MACF1: variants seen among roughly 807,000 people sequenced by gnomAD.
MACF1 encodes microtubule-actin cross-linking factor 1.
Under a neutral mutation model 854.8 loss-of-function variants are expected in MACF1, and 193 were observed. The ratio of observed to expected loss-of-function variants is 0.23; its 90% CI spans 0.20 to 0.25. MACF1 has a LOEUF of 0.25. Ranked by LOEUF, MACF1 falls within the 10% of genes least tolerant of loss-of-function variation. The pLI is 1.00. For missense variants in MACF1, 7,722 were observed against 8,929.1 expected, an observed-to-expected ratio of 0.86 and a Z score of 5.45; for synonymous variants, 3,185 against 3,226.7, an observed-to-expected ratio of 0.99 and a Z score of 0.44.
rs2148460104 is a variant in MACF1, at chr1:39,326,207, A to G, written c.4479-1011A>G. 3.3e-5 allele frequency among the ~76,000 whole-genome samples: 5 copies of G among 152,352 alleles called. No homozygotes were observed. The Middle Eastern group carries it at 0.017, about 518-fold the overall frequency. On this transcript the variant is annotated intron_variant, in intron 35 of 100. Coordinates refer to ENST00000564288, the MANE Select transcript of MACF1 (RefSeq NM_001394062.1). ...AGGACATATCCATGAGTTGATGGAT[A>G]GATCCCATTTGAATCAACAGAGTTC...
intron 2 of MACF1, among the ~76,000 whole-genome samples, chr1:39,102,225 A>G (rs376227648): frequency 5.3e-5 from 8 of 150,620 alleles, no homozygotes; most frequent in Admixed American, 2.0e-4. Flanking sequence ...GAGAGAGAGA[A>G]AGAAAAGAAA....
Position 39,357,455 on chromosome 1 carries a change from T to C in MACF1, c.11505T>C (p.His3835=). Residue 3835 remains histidine, a synonymous_variant, in exon 45 of 101, where the codon CAT becomes CAC. Coordinates refer to ENST00000564288, the MANE Select transcript of MACF1 (RefSeq NM_001394062.1). ...TQSAQAFLDQ[H]GHNLTPEEQQ... ...CAGCTCAGGCCTTCTTGGATCAGCA[T>C]GGCCACAATCTCACACCTGAGGAGC... The C allele has an allele frequency of 6.2e-7, 1 of 1,614,174 alleles. No individual in the cohort carries two copies. Among genetic ancestry groups the C allele is most frequent in the Non-Finnish European group, 8.5e-7 (1 of 1,180,036 alleles).
intron 22 of MACF1, among the ~76,000 whole-genome samples, chr1:39,301,418 G>A (rs185068652): frequency 8.3e-4 from 124 of 150,116 alleles, no homozygotes; most frequent in Non-Finnish European, 1.3e-3. Flanking sequence ...GAGCCACCGC[G>A]CCCAGCCTAT....
chr1:39,387,697 T>G lies in MACF1; in HGVS notation c.14855T>G (p.Val4952Gly). The G allele has an allele frequency of 6.2e-7, 1 of 1,614,090 alleles. No individual in the cohort carries two copies. The highest frequency in any genetic ancestry group is 8.5e-7 in the Non-Finnish European group (1 of 1,180,014). The change falls in exon 58 of 101, where the codon GTG (valine) becomes GGG (glycine). Residue 4952 changes from valine (V) to glycine (G), a missense_variant. Physicochemically the swap from Val to Gly is moderately radical, Grantham distance 109. Around this residue, in one of 15 missense-constraint regions of MACF1, gnomAD observed 2,807 missense variants for 3,235.8 expected, o/e 0.87. Transcript: ENST00000564288. ...LLRSKAMLNEVEKRRSLLEIL... is the reference protein window; with the variant it reads ...LLRSKAMLNEGEKRRSLLEIL... ...AGATCAAAGGCTATGCTGAATGAGGTGGAGAAGCGCCGCTCCCTGCTGGAA... is the reference window on the plus strand; with the variant it reads ...AGATCAAAGGCTATGCTGAATGAGGGGGAGAAGCGCCGCTCCCTGCTGGAA...
At chr1:39,448,512 C>A in intron 83 of MACF1, 82 bp from the exon 84 acceptor site, 1 of 1,194,640 alleles carries the variant, frequency 8.4e-7, no homozygotes. Context: ...TGGTTTCTAG[C>A]CTGAAAACTC....
At chr1:39,289,643 C>CTTGTCAGA (rs1209688655) in intron 15 of MACF1, among the ~76,000 whole-genome samples, 1 of 142,868 alleles carries the variant, frequency 7.0e-6, no homozygotes, top group Non-Finnish European at 1.5e-5. Context: ...TTATTAATCC[C>CTTGTCAGA]TTGTCAGATA....
rs1650642096 is a variant in MACF1 at position 39,385,844 on chromosome 1, C to T, written c.14259C>T (p.Leu4753=). The change falls in exon 57 of 101, where the codon CTC becomes CTT. Residue 4753 remains leucine, a synonymous_variant. Transcript: ENST00000564288. Reference sequence around the variant, plus strand: ...CACTGTGCGATGAACTCTCAGTGCTCATTGGTGAGCAGTACCTCAAGGATG... The same window carrying T: ...CACTGTGCGATGAACTCTCAGTGCTTATTGGTGAGCAGTACCTCAAGGATG... ...AQTLCDELSV[L]IGEQYLKDEL... 2 of 1,614,152 alleles carry T rather than the reference C, an allele frequency of 1.2e-6. No homozygotes were observed. The highest frequency in any genetic ancestry group is 1.3e-5 in the African/African-American group (1 of 75,040).
intron 2 of MACF1, among the ~76,000 whole-genome samples, chr1:39,176,099 G>A (rs1267033759): frequency 6.1e-5 from 1 of 16,510 alleles, no homozygotes; most frequent in Admixed American, 1.4e-3. Context: ...GACAGAGCGA[G>A]ACTCCTTCTC....
At chr1:39,100,626 G>C (rs927064344) in intron 2 of MACF1, among the ~76,000 whole-genome samples, 1 of 152,030 alleles carries the variant, frequency 6.6e-6, no homozygotes, top group Non-Finnish European at 1.5e-5. Context: ...GGCTGAGGTG[G>C]GCAGATTACC....
intron 2 of MACF1, chr1:39,102,843 C>T (rs1189764334): frequency 1.4e-6 from 1 of 702,436 alleles, no homozygotes; most frequent in African/African-American, 1.7e-5. Flanking sequence ...TGTGGTCTGG[C>T]TATAAATTTA....
At chr1:39,426,195 G>C (rs1643721278) in intron 61 of MACF1, among the ~76,000 whole-genome samples, 1 of 152,046 alleles carries the variant, frequency 6.6e-6, no homozygotes, top group Admixed American at 6.5e-5. Flanking sequence ...TTGAAGGCTG[G>C]CATAAACAAA....
intron 50 of MACF1, among the ~76,000 whole-genome samples, chr1:39,369,099 A>C (rs768557647): frequency 6.6e-6 from 1 of 151,398 alleles, no homozygotes; most frequent in Non-Finnish European, 1.5e-5. Flanking sequence ...TGGCCTCCCA[A>C]AGTGCTGGGA....
chr1:39,453,508 A>C (rs1363648344), intron 87 of MACF1, among the ~76,000 whole-genome samples, 199 bp from the exon 88 acceptor site: 1 of 152,218 alleles, frequency 6.6e-6, no homozygotes, highest in African/African-American at 2.4e-5. Flanking sequence ...CACCAGAGAA[A>C]GTCATTCTTG....
intron 2 of MACF1, among the ~76,000 whole-genome samples, chr1:39,101,741 G>A (rs984097874): frequency 2.7e-5 from 4 of 149,004 alleles, no homozygotes; most frequent in South Asian, 2.2e-4. Flanking sequence ...GGAGAATGGC[G>A]TGAACCCGGG....
chr1:39,330,887 C>T (rs1295784765), intron 36 of MACF1, among the ~76,000 whole-genome samples: 1 of 151,812 alleles, frequency 6.6e-6, no homozygotes, highest in Non-Finnish European at 1.5e-5. Context: ...CTACAACCTC[C>T]ACCTCCCGGG....
At chr1:39,136,493 G>C (rs1050228507) in intron 2 of MACF1, among the ~76,000 whole-genome samples, 8 of 152,286 alleles carry the variant, frequency 5.3e-5, no homozygotes, top group African/African-American at 1.9e-4. Context: ...TTTGTCCCCA[G>C]TTCCTGCTCT....
intron 22 of MACF1, 136 bp downstream of exon 22, chr1:39,300,498 C>A: frequency 1.2e-6 from 1 of 825,164 alleles, no homozygotes; most frequent in Non-Finnish European, 1.7e-6. Context: ...TGAAGTCTCT[C>A]CTATCATTTA....
At chr1:39,113,387 A>G (rs1642460969) in intron 2 of MACF1, among the ~76,000 whole-genome samples, 1 of 152,134 alleles carries the variant, frequency 6.6e-6, no homozygotes, top group Non-Finnish European at 1.5e-5. Context: ...TCCAAAAAAC[A>G]CTTCAAGCAA....
chr1:39,335,992 C>G lies in MACF1; in HGVS notation c.9404C>G (p.Ser3135Cys), dbSNP rs755673739. The G allele has an allele frequency of 1.2e-6, 2 of 1,614,138 alleles. No homozygotes were observed. Among genetic ancestry groups the G allele is most frequent in the Admixed American group, 1.7e-5 (1 of 60,018 alleles). The stretch of plus-strand genomic sequence containing the variant: ...TCCCAAATTTCCAAAACAGACAAGT[C>G]TTTCCAAGGAACCACCAGACAGGAG... ...GPSQISKTDK[S>C]FQGTTRQETN... is the part of the protein sequence containing the mutation. Residue 3135 changes from serine (S) to cysteine (C), a missense_variant, in exon 37 of 101, where the codon TCT becomes TGT. By Grantham distance (112) the Ser-to-Cys change is moderately radical. Around this residue, in one of 15 missense-constraint regions of MACF1, gnomAD observed 854 missense variants for 852.6 expected, o/e 1.00. Transcript: ENST00000564288.
Sources: gnomAD v4.1 joint callset for allele counts (sites outside exome capture counted in the v4.1 genomes callset) on GRCh38, gnomAD v4.1.1 for gene constraint, gnomAD v4.1.1 regional missense constraint, MANE v1.5 for transcripts, NCBI Gene and HGNC (gene_info 2026-07-23, HGNC 2026-07-21) for gene names.